OPHN1: variants seen among roughly 807,000 people sequenced by gnomAD.
The protein encoded by OPHN1 is oligophrenin-1.
Under a neutral mutation model 60.7 loss-of-function variants are expected in OPHN1, and 11 were observed. The ratio of observed to expected loss-of-function variants is 0.18; its 90% CI spans 0.11 to 0.30. OPHN1 has a LOEUF of 0.30. Ranked by LOEUF, OPHN1 falls within the 10% of genes least tolerant of loss-of-function variation. OPHN1 has a pLI of 1.00. For missense variants in OPHN1, 449 were observed against 611.0 expected (o/e 0.73, Z 2.80); for synonymous variants, 226 against 222.6 (o/e 1.02, Z -0.14).
intron 2 of OPHN1, among the ~76,000 whole-genome samples, chrX:68,317,371 GAAA>G (rs1569278109): frequency 8.3e-5 from 6 of 72,706 alleles, no homozygotes; most frequent in East Asian, 3.9e-4. Context: ...AAGAAAGAAA[GAAA>G]GAAAGGAAGG....
At chrX:68,215,729 T>C (rs1400745614) in intron 6 of OPHN1, among the ~76,000 whole-genome samples, 1 of 111,382 alleles carries the variant, frequency 9.0e-6, no homozygotes, top group Non-Finnish European at 1.9e-5. Flanking sequence ...TATTTGAAGG[T>C]GTTGAAAGAA....
intron 20 of OPHN1, among the ~76,000 whole-genome samples, chrX:68,068,888 G>A (rs2076923108): frequency 9.0e-6 from 1 of 111,730 alleles, no homozygotes; most frequent in African/African-American, 3.3e-5. Context: ...AGGCAAATCC[G>A]TAGAGGCAGA....
At chrX:68,375,577 G>A (rs372299851) in intron 2 of OPHN1, among the ~76,000 whole-genome samples, 1 of 110,915 alleles carries the variant, frequency 9.0e-6, no homozygotes, top group East Asian at 2.8e-4. Flanking sequence ...AACTGTCTCC[G>A]CTTTTTCTTC....
chrX:68,341,766 G>A (rs187243514), intron 2 of OPHN1, among the ~76,000 whole-genome samples: 49 of 110,033 alleles, frequency 4.5e-4, no homozygotes, highest in Non-Finnish European at 8.5e-4. Context: ...TGAGCCTGGA[G>A]GTCACTGCTG....
At position 68,167,232 on chromosome X, in the gene OPHN1, G is replaced by A. The variant is rs975270691; in HGVS notation, c.1276+25687C>T. 4.5e-5 allele frequency among the ~76,000 whole-genome samples: 5 copies of A among 110,949 alleles called. No homozygotes were observed. In the East Asian group the frequency reaches 1.4e-3, roughly 32 times the overall value. The stretch of plus-strand genomic sequence containing the variant: ...GACATTTCTCAAAAGAAGACAAATG[G>A]GTATATGAAAAGGTGCTTAATGTCA... On this transcript the variant is annotated intron_variant, in intron 15 of 24. Transcript: ENST00000355520.
chrX:68,097,380 T>C (rs1262753547), intron 18 of OPHN1, among the ~76,000 whole-genome samples: 1 of 110,663 alleles, frequency 9.0e-6, no homozygotes, highest in African/African-American at 3.3e-5. Context: ...CATATAAGTA[T>C]AAAGCATGTA....
chrX:68,118,529 C>G (rs2077136993), intron 16 of OPHN1, among the ~76,000 whole-genome samples: 1 of 111,574 alleles, frequency 9.0e-6, no homozygotes, highest in Non-Finnish European at 1.9e-5. Context: ...CTCAAGAACA[C>G]AATCATTGAA....
chrX:68,168,716 C>G (rs1833285543), intron 15 of OPHN1, among the ~76,000 whole-genome samples: 1 of 112,252 alleles, frequency 8.9e-6, no homozygotes, highest in South Asian at 3.7e-4. Flanking sequence ...AATCCAGGAG[C>G]TGGTTTTTTG....
chrX:68,388,140 G>GA (rs1461157862), intron 2 of OPHN1, among the ~76,000 whole-genome samples: 3 of 104,063 alleles, frequency 2.9e-5, no homozygotes, highest in African/African-American at 1.1e-4. Context: ...GCTGTGGTCA[G>GA]AGTATAAAGG....
chrX:68,058,549 T>C (rs1348305087), intron 21 of OPHN1, among the ~76,000 whole-genome samples: 1 of 111,201 alleles, frequency 9.0e-6, no homozygotes, highest in Non-Finnish European at 1.9e-5. Flanking sequence ...GGACAGGTTG[T>C]GGGTTGAAAA....
chrX:68,395,666 C>A (rs943936453), intron 2 of OPHN1, among the ~76,000 whole-genome samples: 1 of 110,441 alleles, frequency 9.1e-6, no homozygotes, highest in Non-Finnish European at 1.9e-5. Flanking sequence ...AGGCTGTTCT[C>A]GAACTCCCGA....
intron 15 of OPHN1, among the ~76,000 whole-genome samples, chrX:68,143,162 G>A (rs2077250349): frequency 1.8e-5 from 2 of 111,437 alleles, no homozygotes; most frequent in African/African-American, 6.5e-5. Context: ...CCCCATCTCT[G>A]ACAAGTAACC....
chrX:68,213,843 A>T lies in OPHN1; in HGVS notation c.597+19T>A, dbSNP rs1394880520. ...TTTGATAAATATTTTTAGACCATTC[A>T]TCAACAGAGAAAACTTACAGGCTCC... is the stretch of plus-strand genomic sequence containing the variant. On this transcript the variant is annotated intron_variant, in intron 7 of 24. Coordinates refer to ENST00000355520, the MANE Select transcript of OPHN1 (RefSeq NM_002547.3). 1.0e-6 allele frequency: 1 copy of T among 966,547 alleles called. No individual in the cohort carries two copies. The highest frequency in any genetic ancestry group is 1.9e-5 in the African/African-American group (1 of 52,952). 79.7% of individuals were successfully genotyped at this position (966,547 alleles called of 1,213,427 possible).
At chrX:68,219,521 T>G (rs1201930205) in intron 6 of OPHN1, among the ~76,000 whole-genome samples, 1 of 108,545 alleles carries the variant, frequency 9.2e-6, no homozygotes, top group Non-Finnish European at 1.9e-5. Context: ...ATTGACCACA[T>G]AGTTGGAAGT....
chrX:68,419,761 G>A (rs1009854590), intron 2 of OPHN1, among the ~76,000 whole-genome samples: 9 of 110,537 alleles, frequency 8.1e-5, no homozygotes, highest in African/African-American at 3.0e-4. Context: ...GGCTGGTCTC[G>A]AACTACTGAG....
chrX:68,124,228 T>G (rs2077160962), intron 15 of OPHN1, among the ~76,000 whole-genome samples: 1 of 111,470 alleles, frequency 9.0e-6, no homozygotes, highest in Non-Finnish European at 1.9e-5. Context: ...TCTTTCATGT[T>G]TGAAGGACAT....
chrX:68,319,004 C>T (rs761575987), intron 2 of OPHN1, among the ~76,000 whole-genome samples: 1 of 111,675 alleles, frequency 9.0e-6, no homozygotes, highest in South Asian at 3.9e-4. Context: ...CATGATTTAT[C>T]ACTATTGATG....
chrX:68,082,908 G>A (rs2076979302), intron 19 of OPHN1, among the ~76,000 whole-genome samples: 1 of 111,080 alleles, frequency 9.0e-6, no homozygotes, highest in Non-Finnish European at 1.9e-5. Flanking sequence ...GTTTTTTAGT[G>A]TTGCCACCTT....
At chrX:68,245,977 G>A (rs1256128946) in intron 5 of OPHN1, among the ~76,000 whole-genome samples, 4 of 110,795 alleles carry the variant, frequency 3.6e-5, no homozygotes, top group Non-Finnish European at 5.7e-5. Context: ...GCTAATTTTT[G>A]TCTTTTTAGT....
Sources: gnomAD v4.1 joint callset for allele counts (sites outside exome capture counted in the v4.1 genomes callset) on GRCh38, gnomAD v4.1.1 for gene constraint, MANE v1.5 for transcripts, NCBI Gene and HGNC (gene_info 2026-07-23, HGNC 2026-07-21) for gene names.